Variants in MMRN1 observed in about 807,000 individuals in gnomAD.
The protein encoded by MMRN1 is multimerin-1.
In MMRN1, 94 loss-of-function variants were observed where a neutral mutation model predicts 100.7. The ratio of observed to expected loss-of-function variants is 0.93; its 90% CI spans 0.79 to 1.11. MMRN1 has a LOEUF of 1.11. Among genes scored for constraint, MMRN1 ranks in the 50% least tolerant of loss-of-function variants. The pLI is 0.00. For missense variants in MMRN1, 1,606 were observed against 1,439.1 expected (o/e 1.12, Z -1.88); for synonymous variants, 575 against 505.0 (o/e 1.14, Z -1.86).
intron 7 of MMRN1, 149 bp downstream of exon 7, chr4:89,951,900 T>A: frequency 1.1e-6 from 1 of 903,818 alleles, no homozygotes; most frequent in Non-Finnish European, 1.6e-6. Flanking sequence ...CTGAAGAATG[T>A]ACCTGATTTA....
At chr4:89,915,856 C>T (rs529486742) in intron 3 of MMRN1, among the ~76,000 whole-genome samples, 133 of 151,760 alleles carry the variant, frequency 8.8e-4, no homozygotes, top group Non-Finnish European at 1.5e-3. Flanking sequence ...GTACCTATCG[C>T]TTAGAAGGGA....
intron 5 of MMRN1, among the ~76,000 whole-genome samples, chr4:89,932,994 G>T (rs1722490477): frequency 1.3e-5 from 2 of 151,896 alleles, no homozygotes; most frequent in Non-Finnish European, 2.9e-5. Context: ...TTTATGCTCT[G>T]CTTCCCTTTT....
At chr4:89,910,022 A>G (rs993137517) in intron 2 of MMRN1, among the ~76,000 whole-genome samples, 1 of 151,446 alleles carries the variant, frequency 6.6e-6, no homozygotes, top group Non-Finnish European at 1.5e-5. Flanking sequence ...GTTTCCAAAG[A>G]GCCTGCAATA....
rs1257937838 is a variant in MMRN1 at position 89,895,007 on chromosome 4, T to G, written c.36T>G (p.Ser12Arg). Residue 12 changes from serine to arginine, a missense_variant, in exon 1 of 8, where the codon AGT becomes AGG. Physicochemically the swap from Ser to Arg is moderately radical, Grantham distance 110 (BLOSUM62 -1). Coordinates refer to ENST00000264790, the MANE Select transcript of MMRN1 (RefSeq NM_007351.3). ...KGARLFVLLS[S>R]LWSGGIGLNN... ...CAAGATTATTTGTCCTTCTTTCTAG[T>G]TTATGGAGTGGGGGCATTGGGCTTA... The G allele has an allele frequency of 6.2e-7, 1 of 1,613,392 alleles. No homozygotes were observed. Among genetic ancestry groups the G allele is most frequent in the African/African-American group, 1.3e-5 (1 of 74,998 alleles).
chr4:89,889,427 A>G (rs1017524447), intron 1 of MMRN1, among the ~76,000 whole-genome samples: 2 of 152,126 alleles, frequency 1.3e-5, no homozygotes, highest in African/African-American at 2.4e-5. Flanking sequence ...CCAGCCCAGT[A>G]TCCACTGCCT....
At chr4:89,902,792 T>A (rs1342577078) in intron 1 of MMRN1, among the ~76,000 whole-genome samples, 1 of 152,042 alleles carries the variant, frequency 6.6e-6, no homozygotes, top group Non-Finnish European at 1.5e-5. Flanking sequence ...AAATTCCCCA[T>A]AATCTGAGCT....
chr4:89,915,936 A>G (rs1463021829), intron 3 of MMRN1, among the ~76,000 whole-genome samples: 1 of 151,700 alleles, frequency 6.6e-6, no homozygotes, highest in Non-Finnish European at 1.5e-5. Flanking sequence ...AGTGAAAGAC[A>G]GATTGCTTGG....
In MMRN1 at chr4:89,927,889, T is replaced by C; in HGVS notation, c.1050T>C (p.Asn350=). ...KKIDNISLTV[N]DVRNTYSSLE... ...TTGACAATATTTCTTTGACTGTGAA[T>C]GATGTAAGGAACACTTACTCCTCCC... The change falls in exon 5 of 8, where the codon AAT becomes AAC. Residue 350 remains asparagine, a synonymous_variant. Transcript: ENST00000264790. 6.2e-7 allele frequency: 1 copy of C among 1,611,844 alleles called. No individual in the cohort carries two copies. The highest frequency in any genetic ancestry group is 8.5e-7 in the Non-Finnish European group (1 of 1,178,974).
intron 6 of MMRN1, among the ~76,000 whole-genome samples, chr4:89,940,708 T>C (rs1400778723): frequency 1.3e-5 from 2 of 152,194 alleles, no homozygotes; most frequent in Non-Finnish European, 2.9e-5. Flanking sequence ...TAAGTTTATT[T>C]TGAGAATCAA....
chr4:89,938,517 A>AT (rs1553924706), intron 6 of MMRN1, among the ~76,000 whole-genome samples: 4 of 138,576 alleles, frequency 2.9e-5, no homozygotes, highest in African/African-American at 8.0e-5. Context: ...ATATATTTAA[A>AT]ATATATATAT....
At chr4:89,939,305 C>T (rs547846179) in intron 6 of MMRN1, among the ~76,000 whole-genome samples, 1 of 152,162 alleles carries the variant, frequency 6.6e-6, no homozygotes, top group East Asian at 1.9e-4. Flanking sequence ...TCATATTATT[C>T]AGATTCTAGC....
At chr4:89,952,233 G>C (rs1371664652) in intron 7 of MMRN1, among the ~76,000 whole-genome samples, 1 of 152,118 alleles carries the variant, frequency 6.6e-6, no homozygotes, top group Non-Finnish European at 1.5e-5. Flanking sequence ...GTTAGAACAT[G>C]CTCAAATGTA....
intron 1 of MMRN1, among the ~76,000 whole-genome samples, chr4:89,900,477 A>G (rs1721348944): frequency 6.6e-6 from 1 of 152,030 alleles, no homozygotes; most frequent in South Asian, 2.1e-4. Flanking sequence ...CTTACCACCC[A>G]ATGTAAAGTT....
chr4:89,924,209 G>T (rs1320652068), intron 4 of MMRN1, among the ~76,000 whole-genome samples: 1 of 152,158 alleles, frequency 6.6e-6, no homozygotes, highest in Non-Finnish European at 1.5e-5. Context: ...GAATTTGGAA[G>T]CAGAAGATGA....
chr4:89,937,827 C>G (rs1450782565), intron 6 of MMRN1, among the ~76,000 whole-genome samples: 1 of 152,010 alleles, frequency 6.6e-6, no homozygotes, highest in Non-Finnish European at 1.5e-5. Flanking sequence ...AACAGATGTT[C>G]TAAACACCAA....
At chr4:89,926,342 C>A (rs980011913) in intron 4 of MMRN1, among the ~76,000 whole-genome samples, 2 of 151,826 alleles carry the variant, frequency 1.3e-5, no homozygotes, top group African/African-American at 4.8e-5. Context: ...GAGATGATAT[C>A]GCATAGTAGT....
chr4:89,890,202 G>T (rs1051407756), upstream of MMRN1, among the ~76,000 whole-genome samples: 2 of 150,894 alleles, frequency 1.3e-5, no homozygotes, highest in African/African-American at 4.9e-5. Context: ...GGCTTTGCTG[G>T]CAAGGGTGGG....
intron 1 of MMRN1, among the ~76,000 whole-genome samples, chr4:89,901,180 G>A (rs758350712): frequency 5.1e-4 from 75 of 148,236 alleles, no homozygotes; most frequent in Non-Finnish European, 7.9e-4. Flanking sequence ...AAAGGAGAAA[G>A]TGGTCAGAAG....
chr4:89,922,123 A>T (rs889256173), intron 3 of MMRN1, among the ~76,000 whole-genome samples: 7 of 151,550 alleles, frequency 4.6e-5, no homozygotes, highest in Admixed American at 2.0e-4. Context: ...TGATTGATTG[A>T]TTGGCAGAGT....
Sources: gnomAD v4.1 joint callset for allele counts (sites outside exome capture counted in the v4.1 genomes callset) on GRCh38, gnomAD v4.1.1 for gene constraint, MANE v1.5 for transcripts, NCBI Gene and HGNC (gene_info 2026-07-23, HGNC 2026-07-21) for gene names.